The following MGAT4C variants were observed in gnomAD, a reference collection of about 807,000 sequenced individuals.
The protein encoded by MGAT4C is MGAT4 family member C.
Under a neutral mutation model 40.1 loss-of-function variants are expected in MGAT4C, and 19 were observed. That is an observed-to-expected ratio of 0.47 (90% confidence interval 0.33 to 0.70). The LOEUF is 0.70. MGAT4C is among the 30% of genes least tolerant of loss of function. The probability of loss-of-function intolerance (pLI) is 0.02; values close to 1 mark genes in which losing one functional copy is unlikely to be tolerated. For missense variants in MGAT4C, 491 were observed against 563.2 expected, an observed-to-expected ratio of 0.87 and a Z score of 1.30; for synonymous variants, 181 against 187.1, an observed-to-expected ratio of 0.97 and a Z score of 0.27.
At chr12:86,374,175 T>C (rs1048216742) in intron 3 of MGAT4C, among the ~76,000 whole-genome samples, 8 of 152,094 alleles carry the variant, frequency 5.3e-5, no homozygotes, top group Non-Finnish European at 1.0e-4. Flanking sequence ...TTAGCTGTAG[T>C]GCAAGTATCA....
chr12:86,315,081 C>G (rs1592686092), intron 4 of MGAT4C, among the ~76,000 whole-genome samples: 1 of 151,738 alleles, frequency 6.6e-6, no homozygotes, highest in East Asian at 1.9e-4. Flanking sequence ...CAGAACAAAG[C>G]TAGAGGACTC....
chr12:86,099,272 T>C (rs1434759359), intron 1 of MGAT4C, among the ~76,000 whole-genome samples: 1 of 151,422 alleles, frequency 6.6e-6, no homozygotes, highest in Admixed American at 6.6e-5. Context: ...TTTTCTTTTT[T>C]CATATAGAAC....
chr12:86,770,037 CATT>C (rs1480036177), intron 1 of MGAT4C, among the ~76,000 whole-genome samples: 1 of 151,776 alleles, frequency 6.6e-6, no homozygotes, highest in African/African-American at 2.4e-5. Flanking sequence ...AAAAGAATGA[CATT>C]ATTAGCTTTA....
intron 2 of MGAT4C, among the ~76,000 whole-genome samples, chr12:86,653,528 G>C (rs1963756717): frequency 6.6e-6 from 1 of 151,796 alleles, no homozygotes; most frequent in South Asian, 2.1e-4. Flanking sequence ...AGTTTTTTTA[G>C]CTTTAGCCTT....
intron 2 of MGAT4C, among the ~76,000 whole-genome samples, chr12:86,707,818 T>C (rs1244224523): frequency 1.3e-5 from 2 of 152,088 alleles, no homozygotes; most frequent in African/African-American, 4.8e-5. Context: ...GGCATGAGCC[T>C]CCATGCCTGA....
chr12:86,579,357 A>C (rs1960687267), intron 2 of MGAT4C, among the ~76,000 whole-genome samples: 1 of 151,558 alleles, frequency 6.6e-6, no homozygotes, highest in Non-Finnish European at 1.5e-5. Flanking sequence ...AAGGCTTGCA[A>C]ATACTATCTT....
At chr12:86,258,473 A>G (rs1401734870), upstream of MGAT4C, among the ~76,000 whole-genome samples, 1 of 152,102 alleles carries the variant, frequency 6.6e-6, no homozygotes, top group Non-Finnish European at 1.5e-5. Context: ...ATACAGCAAT[A>G]TAAAGATTGG....
intron 1 of MGAT4C, among the ~76,000 whole-genome samples, chr12:86,090,785 T>A (rs1181046194): frequency 6.6e-6 from 1 of 151,936 alleles, no homozygotes; most frequent in African/African-American, 2.4e-5. Context: ...TATAATTTTT[T>A]AATACTTTTT....
intron 2 of MGAT4C, among the ~76,000 whole-genome samples, chr12:86,442,191 G>A (rs1028900290): frequency 1.3e-5 from 2 of 152,134 alleles, no homozygotes; most frequent in Non-Finnish European, 1.5e-5. Flanking sequence ...TGATGGGATT[G>A]TTTGATTTTT....
intron 2 of MGAT4C, among the ~76,000 whole-genome samples, chr12:86,575,853 T>A (rs1450028720): frequency 6.6e-6 from 1 of 151,772 alleles, no homozygotes; most frequent in Non-Finnish European, 1.5e-5. Context: ...ATTTCTCCAA[T>A]CCTTGTCATT....
At chr12:86,800,357 T>C (rs2136202329) in intron 1 of MGAT4C, among the ~76,000 whole-genome samples, 1 of 152,058 alleles carries the variant, frequency 6.6e-6, no homozygotes, top group African/African-American at 2.4e-5. Context: ...CTCCATCTGG[T>C]CATAGCCTCC....
At chr12:86,389,111 G>A (rs936532660) in intron 3 of MGAT4C, among the ~76,000 whole-genome samples, 1 of 152,132 alleles carries the variant, frequency 6.6e-6, no homozygotes, top group Non-Finnish European at 1.5e-5. Context: ...ACTTGTCACA[G>A]GGGTTTGTTG....
At chr12:86,421,505 C>G (rs888224908) in intron 3 of MGAT4C, among the ~76,000 whole-genome samples, 1 of 152,184 alleles carries the variant, frequency 6.6e-6, no homozygotes, top group African/African-American at 2.4e-5. Context: ...GGCGCCATGG[C>G]TCACGCCTGT....
At chr12:86,833,022 G>C (rs926874015) in intron 1 of MGAT4C, among the ~76,000 whole-genome samples, 1 of 151,850 alleles carries the variant, frequency 6.6e-6, no homozygotes, top group Non-Finnish European at 1.5e-5. Flanking sequence ...ACATCAAATT[G>C]AGATTGTCGG....
At chr12:86,610,830 A>T (rs1962229957) in intron 2 of MGAT4C, among the ~76,000 whole-genome samples, 1 of 149,834 alleles carries the variant, frequency 6.7e-6, no homozygotes, top group African/African-American at 2.4e-5. Flanking sequence ...ACGGGAAAGT[A>T]GTACGTGGGG....
chr12:86,724,547 A>C (rs888659910), intron 2 of MGAT4C, among the ~76,000 whole-genome samples: 1 of 152,170 alleles, frequency 6.6e-6, no homozygotes, highest in African/African-American at 2.4e-5. Context: ...ATATTTTTTC[A>C]CTAATAATAA....
chr12:86,092,487 T>A (rs752772179), intron 1 of MGAT4C, among the ~76,000 whole-genome samples: 4 of 152,010 alleles, frequency 2.6e-5, no homozygotes, highest in Non-Finnish European at 5.9e-5. Context: ...TAATTAGTGA[T>A]CTAAAACACT....
At chr12:86,802,305 G>A (rs1316585779) in intron 1 of MGAT4C, among the ~76,000 whole-genome samples, 1 of 151,870 alleles carries the variant, frequency 6.6e-6, no homozygotes, top group Non-Finnish European at 1.5e-5. Context: ...TGTGATTACT[G>A]AATGCATACT....
intron 2 of MGAT4C, among the ~76,000 whole-genome samples, chr12:86,709,746 G>A (rs752033031): frequency 2.6e-4 from 39 of 152,034 alleles, no homozygotes; most frequent in Non-Finnish European, 3.7e-4. Flanking sequence ...TCTAACTATA[G>A]ATTCTGAATC....
Sources: gnomAD v4.1 joint callset for allele counts (sites outside exome capture counted in the v4.1 genomes callset) on GRCh38, gnomAD v4.1.1 for gene constraint, MANE v1.5 for transcripts, NCBI Gene and HGNC (gene_info 2026-07-23, HGNC 2026-07-21) for gene names.